The following NFIX variants were observed in gnomAD, a reference collection of about 807,000 sequenced individuals.
The protein encoded by NFIX is nuclear factor I X.
NFIX carries 2 observed loss-of-function variants against 53.3 expected under a neutral mutation model. That is an observed-to-expected ratio of 0.04 (90% CI 0.02 to 0.12). The LOEUF (loss-of-function observed/expected upper bound fraction) is 0.12. Ranked by LOEUF, NFIX falls within the 10% of genes least tolerant of loss-of-function variation. The probability of loss-of-function intolerance (pLI) is 1.00; values close to 1 mark genes in which losing one functional copy is unlikely to be tolerated. For synonymous variants in NFIX, 244 were observed against 289.0 expected (o/e 0.84, Z 1.58); for missense variants, 310 against 674.5 (o/e 0.46, Z 5.99).
intron 2 of NFIX, among the ~76,000 whole-genome samples, chr19:13,039,918 A>G (rs907234786): frequency 1.3e-5 from 2 of 152,124 alleles, no homozygotes; most frequent in African/African-American, 4.8e-5. Context: ...GATGGTATAA[A>G]AATCAGAAAG....
rs1472159283 is a variant in NFIX at position 13,011,759 on chromosome 19, TCCG to T, written c.28-13259_28-13257del. ...TACGTACCCTACCTGAGACCGCCCC[TCCG>T]CCAAGTGCGCCCCTCGACAGGTGCC... On this transcript the variant is annotated intron_variant, in intron 1 of 10. Transcript: ENST00000592199. This position sits in a 1 kb window ranked among gnomAD's most constrained non-coding sequence, Gnocchi z 6.5. 6.6e-6 allele frequency among the ~76,000 whole-genome samples: 1 copy of T among 152,042 alleles called. No homozygotes were observed. The highest frequency in any genetic ancestry group is 6.5e-5 in the Admixed American group (1 of 15,282).
At chr19:13,059,057 T>G (rs560437062) in intron 2 of NFIX, among the ~76,000 whole-genome samples, 1 of 152,344 alleles carries the variant, frequency 6.6e-6, no homozygotes, top group Non-Finnish European at 1.5e-5. Context: ...CACATCCACA[T>G]GCACGTGCAC....
In NFIX at chr19:13,094,893, G is replaced by C; in HGVS notation, c.*244G>C. 1 of 527,228 alleles carries C rather than the reference G, an allele frequency of 1.9e-6. No homozygotes were observed. Among genetic ancestry groups the C allele is most frequent in the Non-Finnish European group, 3.4e-6 (1 of 293,028 alleles). The allele number at this position is 527,228 out of a possible 1,614,324, so 32.7% of individuals were successfully genotyped here. On this transcript the variant is annotated 3_prime_UTR_variant, in exon 11 of 11. Transcript: ENST00000592199. The surrounding 1 kb of genome is among the most constrained non-coding windows in gnomAD (Gnocchi z 4.3). The stretch of plus-strand genomic sequence containing the variant: ...GGTGGAGCTGTGCACCAGCAGCCAA[G>C]CAGAAAGAAACACGCGACATGGACT...
intron 2 of NFIX, among the ~76,000 whole-genome samples, chr19:13,059,739 C>CTT (rs111906867): frequency 2.8e-5 from 2 of 71,820 alleles, no homozygotes; most frequent in Non-Finnish European, 6.4e-5. Context: ...AAGAGGGATG[C>CTT]TTTTTTTTTT....
At position 13,067,485 on chromosome 19, in the gene NFIX, T is replaced by TGTGTGTGTGTGTGTGTGC; in HGVS notation, c.560-5545_560-5544insCGTGTGTGTGTGTGTGTG. ...GCGCGTGTGTGTGTGTGTGTGTGCG[T>TGTGTGTGTGTGTGTGTGC]GTGTGTGTGTGTGTGTGTGTATGTG... On this transcript the variant is annotated intron_variant, in intron 2 of 10. Transcript: ENST00000592199. The surrounding 1 kb of genome is among the most constrained non-coding windows in gnomAD (Gnocchi z 4.2). Among the ~76,000 whole-genome samples the TGTGTGTGTGTGTGTGTGC allele has an allele frequency of 3.7e-5, 1 of 26,672 alleles. No homozygotes were observed. The highest frequency in any genetic ancestry group is 4.5e-4 in the African/African-American group (1 of 2,224). The allele number at this position is 26,672 out of a possible 152,430, so 17.5% of individuals were successfully genotyped here. A position where few individuals can be genotyped will look rare whatever the true frequency, so the allele number is the denominator to read the frequency against.
At chr19:13,039,228 CCACA>C (rs1555698306) in intron 2 of NFIX, among the ~76,000 whole-genome samples, 5 of 144,524 alleles carry the variant, frequency 3.5e-5, no homozygotes, top group Admixed American at 1.3e-4. Context: ...ACACCCCCCC[CCACA>C]CACACACATA....
At chr19:13,074,342 G>C (rs2016944038) in intron 5 of NFIX, among the ~76,000 whole-genome samples, 1 of 152,162 alleles carries the variant, frequency 6.6e-6, no homozygotes, top group Non-Finnish European at 1.5e-5. Flanking sequence ...GGGGTTGTTG[G>C]GGGGTATGGG....
At position 13,021,273 on chromosome 19, in the gene NFIX, GC is replaced by G. The variant is rs2012944006; in HGVS notation, c.28-3746del. Among the ~76,000 whole-genome samples, 1 of 152,126 alleles carries G rather than the reference GC, an allele frequency of 6.6e-6. No individual in the cohort carries two copies. Among genetic ancestry groups the G allele is most frequent in the Non-Finnish European group, 1.5e-5 (1 of 68,002 alleles). Reference sequence around the variant, plus strand: ...AAGAGGCCTGTCTCTGATACCACCTGCCTTCTGTACTCTCACCTCTAACCGT... The same window carrying G: ...AAGAGGCCTGTCTCTGATACCACCTGCTTCTGTACTCTCACCTCTAACCGT... On this transcript the variant is annotated intron_variant, in intron 1 of 10. Coordinates refer to ENST00000592199, the MANE Select transcript of NFIX (RefSeq NM_001365902.3). This position sits in a 1 kb window ranked among gnomAD's most constrained non-coding sequence, Gnocchi z 4.2.
chr19:13,059,098 A>G (rs377436490), intron 2 of NFIX, among the ~76,000 whole-genome samples: 1 of 152,238 alleles, frequency 6.6e-6, no homozygotes, highest in Non-Finnish European at 1.5e-5. Flanking sequence ...ATTCGTGCAC[A>G]TCGGGATTTT....
rs8100955 is a variant in NFIX at position 13,064,316 on chromosome 19, C to T, written c.560-8731C>T. 3.5e-3 allele frequency among the ~76,000 whole-genome samples: 538 copies of T among 152,354 alleles called. 6 individuals are homozygous for T. The highest frequency in any genetic ancestry group is 0.012 in the African/African-American group (517 of 41,578). On this transcript the variant is annotated intron_variant, in intron 2 of 10. Coordinates refer to ENST00000592199, the MANE Select transcript of NFIX (RefSeq NM_001365902.3). ...TGCCAGGAGAGGCGCCTGGCCTGGA[C>T]GCCCATGGGCCTGTGCCTGTGCTCC... is the stretch of plus-strand genomic sequence containing the variant.
At chr19:13,082,051 A>AT in intron 8 of NFIX, 196 bp downstream of exon 8, 1 of 631,818 alleles carries the variant, frequency 1.6e-6, no homozygotes, top group Admixed American at 2.9e-5. Flanking sequence ...GGGCTTGTCT[A>AT]TCATGGTCCG....
chr19:13,017,238 T>C (rs1012790379), intron 1 of NFIX, among the ~76,000 whole-genome samples: 7 of 152,122 alleles, frequency 4.6e-5, no homozygotes, highest in African/African-American at 1.2e-4. Flanking sequence ...TCCGAGCTCC[T>C]CAAAGCACCC....
Position 13,095,319 on chromosome 19 carries a change from T to A in NFIX, c.*670T>A, listed in dbSNP as rs924450533. Reference sequence around the variant, plus strand: ...TAAAAGCCCCCAGGCGGGCAGGGGGTGACCCCTGGAGCTAGTTGCGTGTCC... The same window carrying A: ...TAAAAGCCCCCAGGCGGGCAGGGGGAGACCCCTGGAGCTAGTTGCGTGTCC... On this transcript the variant is annotated 3_prime_UTR_variant, in exon 11 of 11. Coordinates refer to ENST00000592199, the MANE Select transcript of NFIX (RefSeq NM_001365902.3). 6.6e-6 allele frequency: 1 copy of A among 151,970 alleles called. No individual in the cohort carries two copies. The highest frequency in any genetic ancestry group is 1.5e-5 in the Non-Finnish European group (1 of 68,190). 9.4% of individuals were successfully genotyped at this position (151,970 alleles called of 1,614,324 possible).
At chr19:13,031,374 G>A (rs1420724966) in intron 2 of NFIX, among the ~76,000 whole-genome samples, 1 of 152,156 alleles carries the variant, frequency 6.6e-6, no homozygotes, top group Non-Finnish European at 1.5e-5. Context: ...GTGACCAGCC[G>A]TGCTCTATTG....
intron 1 of NFIX, among the ~76,000 whole-genome samples, chr19:13,017,493 G>A (rs1453532706): frequency 1.3e-5 from 2 of 152,208 alleles, no homozygotes; most frequent in African/African-American, 2.4e-5. Context: ...GGCAGGTGGT[G>A]AGGAGAAATC....
chr19:13,046,477 T>C (rs978252770), intron 2 of NFIX, among the ~76,000 whole-genome samples: 1 of 151,710 alleles, frequency 6.6e-6, no homozygotes, highest in Non-Finnish European at 1.5e-5. Flanking sequence ...CCCCCCCCTC[T>C]TTTTTTTGCC....
In NFIX at chr19:13,057,196, C is replaced by T. The variant is rs569470468; in HGVS notation, c.560-15851C>T. 6.6e-5 allele frequency among the ~76,000 whole-genome samples: 10 copies of T among 152,338 alleles called. No individual in the cohort carries two copies. The South Asian group carries it at 8.3e-4, about 13-fold the overall frequency. ...GCAGCCTGCTGGGCCCAGCCAGTAG[C>T]GGGTCAGTGGGACCTTCCCCTCCTC... On this transcript the variant is annotated intron_variant, in intron 2 of 10. Coordinates refer to ENST00000592199, the MANE Select transcript of NFIX (RefSeq NM_001365902.3).
In NFIX at chr19:13,067,532, GAGTGTATGCATCCA is replaced by G. The variant is rs1209980771; in HGVS notation, c.560-5504_560-5491del. Among the ~76,000 whole-genome samples the G allele has an allele frequency of 4.1e-4, 63 of 152,166 alleles. No homozygotes were observed. Among genetic ancestry groups the G allele is most frequent in the African/African-American group, 1.5e-3 (61 of 41,512 alleles). On this transcript the variant is annotated intron_variant, in intron 2 of 10. Transcript: ENST00000592199. The surrounding 1 kb of genome is among the most constrained non-coding windows in gnomAD (Gnocchi z 4.2). Reference sequence around the variant, plus strand: ...TGTGTGTGTCTGAGTCTGAGCATATGAGTGTATGCATCCAAGTGTATGCACATACCTGGGTATGC... The same window carrying G: ...TGTGTGTGTCTGAGTCTGAGCATATGAGTGTATGCACATACCTGGGTATGC...
At chr19:12,999,947 G>T in intron 1 of NFIX, among the ~76,000 whole-genome samples, 1 of 152,234 alleles carries the variant, frequency 6.6e-6, no homozygotes, top group Admixed American at 6.5e-5. Context: ...GGTGTGGGCC[G>T]GGATGGGGTA....
Sources: allele counts gnomAD v4.1 joint callset (sites outside exome capture counted in the v4.1 genomes callset), GRCh38; gene constraint gnomAD v4.1.1; non-coding constraint Gnocchi (gnomAD v3.1); transcripts MANE v1.5; gene names NCBI Gene and HGNC (gene_info 2026-07-23, HGNC 2026-07-21).